The following LIPH variants were observed in gnomAD, a reference collection of about 807,000 sequenced individuals.
The protein encoded by LIPH is lipase H, also known as lipase member H.
LIPH carries 32 observed loss-of-function variants against 47.6 expected under a neutral mutation model. The observed-to-expected ratio is 0.67, with a 90% CI of 0.51 to 0.90. The LOEUF is 0.90. Ranked by LOEUF, LIPH falls within the 40% of genes least tolerant of loss-of-function variation. The pLI, the probability that LIPH is intolerant of heterozygous loss-of-function variation, is 0.00. For missense variants in LIPH, 497 were observed against 541.4 expected (o/e 0.92, Z 0.81); for synonymous variants, 190 against 195.6 (o/e 0.97, Z 0.24).
chr3:185,540,711 C>A (rs1420713591), intron 1 of LIPH, among the ~76,000 whole-genome samples: 1 of 151,118 alleles, frequency 6.6e-6, no homozygotes, highest in African/African-American at 2.4e-5. Flanking sequence ...GAGCAAGACT[C>A]CCTCTCAAAG....
At position 185,536,114 on chromosome 3, in the gene LIPH, C is replaced by G. The variant is rs141404147; in HGVS notation, c.50-982G>C. ...TTGTTGACGACACAATGAAAACCCA[C>G]TTTCAGGCACACATTATAGATATCT... On this transcript the variant is annotated intron_variant, in intron 1 of 9. Transcript: ENST00000296252. Among the ~76,000 whole-genome samples, 187 of 152,320 alleles carry G rather than the reference C, an allele frequency of 1.2e-3. 1 individual carries two copies. The highest frequency in any genetic ancestry group is 2.3e-3 in the Non-Finnish European group (157 of 68,032).
At chr3:185,522,522 A>G (rs975606424) in intron 5 of LIPH, among the ~76,000 whole-genome samples, 4 of 150,808 alleles carry the variant, frequency 2.7e-5, no homozygotes, top group Non-Finnish European at 4.4e-5. Context: ...GAAGGAAGGA[A>G]GGGAAAGGAA....
Position 185,529,176 on chromosome 3 carries a change from CAAAAAAA to C in LIPH, c.527-1598_527-1592del, listed in dbSNP as rs1173804674. On this transcript the variant is annotated intron_variant, in intron 3 of 9. Coordinates refer to ENST00000296252, the MANE Select transcript of LIPH (RefSeq NM_139248.3). Reference sequence around the variant, plus strand: ...TGGGTGACAGAGCGAGACTCCGTCTCAAAAAAAAAAAAAAAAGAAAAAAAGAAAAAGA... The same window carrying C: ...TGGGTGACAGAGCGAGACTCCGTCTCAAAAAAAAAGAAAAAAAGAAAAAGA... 2.4e-4 allele frequency among the ~76,000 whole-genome samples: 13 copies of C among 54,446 alleles called. 1 individual carries two copies. Among genetic ancestry groups the C allele is most frequent in the African/African-American group, 1.1e-3 (13 of 12,332 alleles). 35.7% of individuals were successfully genotyped at this position (54,446 alleles called of 152,430 possible). A position where few individuals can be genotyped will look rare whatever the true frequency, so the allele number is the denominator to read the frequency against.
chr3:185,515,932 C>T (rs911296617), intron 7 of LIPH, among the ~76,000 whole-genome samples: 1 of 152,046 alleles, frequency 6.6e-6, no homozygotes. Flanking sequence ...GAGTTCAAGA[C>T]CAGCCTATGC....
At chr3:185,547,330 G>C (rs1182940536) in intron 1 of LIPH, among the ~76,000 whole-genome samples, 5 of 152,036 alleles carry the variant, frequency 3.3e-5, no homozygotes, top group African/African-American at 9.7e-5. Flanking sequence ...TAACCTTGAC[G>C]TGTAGTGCCC....
At chr3:185,548,349 G>C (rs2148967100) in intron 1 of LIPH, among the ~76,000 whole-genome samples, 1 of 151,788 alleles carries the variant, frequency 6.6e-6, no homozygotes, top group Non-Finnish European at 1.5e-5. Context: ...AGGTTGCAAT[G>C]AGCCAAGATC....
rs1236928487 is a variant in LIPH at position 185,506,664 on chromosome 3, T to C, written c.*2126A>G. On this transcript the variant is annotated 3_prime_UTR_variant, in exon 10 of 10. Coordinates refer to ENST00000296252, the MANE Select transcript of LIPH (RefSeq NM_139248.3). ...TCAAGGCCAAGATGGTGAAACCAGG[T>C]CTCTACTAAAAATACAAAAATTAGC... is the stretch of plus-strand genomic sequence containing the variant. The C allele has an allele frequency of 6.6e-6, 1 of 151,380 alleles. No homozygotes were observed. Among genetic ancestry groups the C allele is most frequent in the Non-Finnish European group, 1.5e-5 (1 of 67,916 alleles). 9.4% of individuals were successfully genotyped at this position (151,380 alleles called of 1,614,324 possible).
At chr3:185,548,243 A>G (rs1330711087) in intron 1 of LIPH, among the ~76,000 whole-genome samples, 1 of 151,892 alleles carries the variant, frequency 6.6e-6, no homozygotes, top group Non-Finnish European at 1.5e-5. Context: ...TGTCTCTACT[A>G]AAAATACAAA....
rs1720471017 is a variant in LIPH at position 185,535,274 on chromosome 3, G to A, written c.50-142C>T. 1.1e-5 allele frequency: 10 copies of A among 949,282 alleles called. No homozygotes were observed. In the Middle Eastern group the frequency reaches 6.6e-4, roughly 63 times the overall value. The allele number at this position is 949,282 out of a possible 1,614,324, so 58.8% of individuals were successfully genotyped here. ...GGGCTGGATCCAGTTGAATGAAGTT[G>A]CAAAATCATATATACATACTTTGAG... On this transcript the variant is annotated intron_variant, in intron 1 of 9. Transcript: ENST00000296252.
chr3:185,533,725 G>T (rs751741732), intron 2 of LIPH, 46 bp from the exon 3 acceptor site: 2 of 1,225,838 alleles, frequency 1.6e-6, no homozygotes, highest in Non-Finnish European at 2.4e-6. Flanking sequence ...AGGGGCCAAG[G>T]AATTAACATT....
chr3:185,539,380 C>CA (rs1553825253), intron 1 of LIPH, among the ~76,000 whole-genome samples: 5 of 141,648 alleles, frequency 3.5e-5, no homozygotes, highest in Non-Finnish European at 4.7e-5. Flanking sequence ...TTTTTTTTTC[C>CA]TTTTTTTTTG....
intron 1 of LIPH, among the ~76,000 whole-genome samples, chr3:185,548,745 A>AAAAACAAAACAAAAC (rs199898458): frequency 1.7e-4 from 26 of 151,500 alleles, no homozygotes; most frequent in African/African-American, 6.1e-4. Context: ...AAAACAAAAC[A>AAAAACAAAACAAAAC]AAAACAAAAC....
chr3:185,527,121 C>G lies in LIPH; in HGVS notation c.628+363G>C, dbSNP rs1720130352. On this transcript the variant is annotated intron_variant, in intron 4 of 9. Transcript: ENST00000296252. ...AGGCGTGGCGGCGTGTGCCTATAAT[C>G]CCAGATACTCGGGAGGCTGAGGCGG... 2.6e-5 allele frequency among the ~76,000 whole-genome samples: 4 copies of G among 152,232 alleles called. No homozygotes were observed. In the South Asian group the frequency reaches 8.3e-4, roughly 32 times the overall value.
intron 3 of LIPH, 113 bp downstream of exon 3, chr3:185,533,458 G>A (rs957900604): frequency 2.6e-6 from 2 of 775,760 alleles, no homozygotes; most frequent in Non-Finnish European, 4.8e-6. Context: ...ACTCAGAGAG[G>A]TTAGGTAATT....
intron 7 of LIPH, among the ~76,000 whole-genome samples, chr3:185,515,257 G>A (rs758690247): frequency 7.2e-5 from 11 of 151,922 alleles, no homozygotes; most frequent in Non-Finnish European, 1.5e-4. Context: ...TGGTGAATAT[G>A]TGGGTACATC....
At chr3:185,539,095 A>G (rs1016774444) in intron 1 of LIPH, among the ~76,000 whole-genome samples, 1 of 151,244 alleles carries the variant, frequency 6.6e-6, no homozygotes, top group Admixed American at 6.6e-5. Context: ...CTGTCTCCCA[A>G]GTAGCTGGGA....
chr3:185,544,390 G>A (rs546645163), intron 1 of LIPH, among the ~76,000 whole-genome samples: 1 of 142,466 alleles, frequency 7.0e-6, no homozygotes, highest in African/African-American at 2.5e-5. Context: ...TTTCGCTCTT[G>A]TCACCCAGGC....
At chr3:185,539,689 A>G (rs1403079412) in intron 1 of LIPH, among the ~76,000 whole-genome samples, 1 of 152,178 alleles carries the variant, frequency 6.6e-6, no homozygotes, top group East Asian at 1.9e-4. Context: ...CGGATCTTAT[A>G]TATAGGATCA....
intron 3 of LIPH, among the ~76,000 whole-genome samples, chr3:185,529,439 G>A (rs1245531593): frequency 4.2e-5 from 6 of 142,690 alleles, no homozygotes; most frequent in Non-Finnish European, 9.2e-5. Flanking sequence ...TTTAATTTGT[G>A]GGGGTAGGGG....
Sources: allele counts gnomAD v4.1 joint callset (sites outside exome capture counted in the v4.1 genomes callset), GRCh38; gene constraint gnomAD v4.1.1; transcripts MANE v1.5; gene names NCBI Gene and HGNC (gene_info 2026-07-23, HGNC 2026-07-21).